Variants in KCNQ3 observed in about 807,000 individuals in gnomAD.
KCNQ3 encodes the protein potassium voltage-gated channel subfamily KQT member 3.
A neutral mutation model predicts 92.5 loss-of-function variants in KCNQ3; 30 were observed. That is an observed-to-expected ratio of 0.32 (90% CI 0.24 to 0.44). The LOEUF is 0.44. KCNQ3 is among the 20% of genes least tolerant of loss of function. The probability of loss-of-function intolerance (pLI) is 1.00; values close to 1 mark genes in which losing one functional copy is unlikely to be tolerated. For missense variants in KCNQ3, 913 were observed against 1,140.3 expected (o/e 0.80, Z 2.87); for synonymous variants, 450 against 468.8 (o/e 0.96, Z 0.52).
intron 12 of KCNQ3, among the ~76,000 whole-genome samples, chr8:132,136,862 CTTTTT>C (rs34845943): frequency 8.1e-6 from 1 of 123,366 alleles, no homozygotes. Context: ...GGCTGCATAA[CTTTTT>C]TTTTTTTTTT....
chr8:132,264,548 G>A (rs564626764), intron 1 of KCNQ3, among the ~76,000 whole-genome samples: 17 of 152,322 alleles, frequency 1.1e-4, no homozygotes, highest in African/African-American at 4.1e-4. Context: ...CCTCCAGGCA[G>A]GGGTTCCTCC....
rs543366959 is a variant in KCNQ3 at position 132,187,793 on chromosome 8, T to C, written c.387-1612A>G. 5.4e-5 allele frequency among the ~76,000 whole-genome samples: 8 copies of C among 149,046 alleles called. No homozygotes were observed. The South Asian group carries it at 1.1e-3, about 20-fold the overall frequency. On this transcript the variant is annotated intron_variant, in intron 1 of 14. Transcript: ENST00000388996. ...GTAGTGATAGTGATGGTGGTGGCGG[T>C]GGTGGTGATAGTGATGGTGGTGGTG...
At chr8:132,293,031 A>C (rs61645985) in intron 1 of KCNQ3, among the ~76,000 whole-genome samples, 3,924 of 152,152 alleles carry the variant, frequency 0.026, 187 homozygotes, top group African/African-American at 0.089. Context: ...AACCCAAGAG[A>C]ACTGTGTTCA....
At chr8:132,392,150 G>C (rs975363798) in intron 1 of KCNQ3, among the ~76,000 whole-genome samples, 2 of 152,114 alleles carry the variant, frequency 1.3e-5, no homozygotes, top group Non-Finnish European at 2.9e-5. Context: ...TAATTCCTCT[G>C]ACCTAAATTG....
At chr8:132,162,217 G>A (rs1240441166) in intron 9 of KCNQ3, among the ~76,000 whole-genome samples, 1 of 152,154 alleles carries the variant, frequency 6.6e-6, no homozygotes, top group Non-Finnish European at 1.5e-5. Flanking sequence ...TGAATCCAGG[G>A]CACAGTGATA....
At chr8:132,298,849 A>G (rs887976391) in intron 1 of KCNQ3, among the ~76,000 whole-genome samples, 4 of 152,204 alleles carry the variant, frequency 2.6e-5, no homozygotes, top group African/African-American at 9.6e-5. Flanking sequence ...TGGAGGTTGC[A>G]GTGAGCCGAG....
intron 1 of KCNQ3, among the ~76,000 whole-genome samples, chr8:132,353,495 A>C (rs544950148): frequency 6.6e-6 from 1 of 152,344 alleles, no homozygotes; most frequent in South Asian, 2.1e-4. Flanking sequence ...CAAACCTGCT[A>C]ATCACTTACG....
At chr8:132,219,755 C>T (rs1219890886) in intron 1 of KCNQ3, among the ~76,000 whole-genome samples, 1 of 152,184 alleles carries the variant, frequency 6.6e-6, no homozygotes, top group Non-Finnish European at 1.5e-5. Flanking sequence ...CTCAAATCCT[C>T]TTTAAGCAGA....
At chr8:132,260,235 A>C (rs1267357945) in intron 1 of KCNQ3, among the ~76,000 whole-genome samples, 1 of 152,194 alleles carries the variant, frequency 6.6e-6, no homozygotes, top group Non-Finnish European at 1.5e-5. Flanking sequence ...TAGAAAATTC[A>C]TGATAATGTT....
chr8:132,369,256 C>T (rs1005670582), intron 1 of KCNQ3, among the ~76,000 whole-genome samples: 13 of 152,182 alleles, frequency 8.5e-5, no homozygotes, highest in East Asian at 3.9e-4. Context: ...GTATATGAAG[C>T]GACTTTTATC....
chr8:132,454,645 C>T (rs888174644), intron 1 of KCNQ3, among the ~76,000 whole-genome samples: 13 of 152,020 alleles, frequency 8.6e-5, no homozygotes, highest in African/African-American at 2.4e-4. Flanking sequence ...TCCTTTCCCC[C>T]GACTGACCAC....
rs1821232035 is a variant in KCNQ3, at chr8:132,430,889, G to C, written c.386+49258C>G. Among the ~76,000 whole-genome samples the C allele has an allele frequency of 3.9e-5, 6 of 152,192 alleles. No homozygotes were observed. The South Asian group carries it at 1.2e-3, about 32-fold the overall frequency. On this transcript the variant is annotated intron_variant, in intron 1 of 14. Coordinates refer to ENST00000388996, the MANE Select transcript of KCNQ3 (RefSeq NM_004519.4). ...TGTCTCCTTGGGACGTCAGTAAAAGGGGGCTCAATAGAGTCGCTCAGCATT... is the reference window on the plus strand; with the variant it reads ...TGTCTCCTTGGGACGTCAGTAAAAGCGGGCTCAATAGAGTCGCTCAGCATT...
chr8:132,420,528 C>T (rs1014967697), intron 1 of KCNQ3, among the ~76,000 whole-genome samples: 5 of 152,114 alleles, frequency 3.3e-5, no homozygotes, highest in Admixed American at 1.3e-4. Context: ...GGCTGACACC[C>T]GGAAGTGTGT....
intron 1 of KCNQ3, among the ~76,000 whole-genome samples, chr8:132,403,548 T>G (rs922271461): frequency 6.6e-6 from 1 of 152,214 alleles, no homozygotes; most frequent in Non-Finnish European, 1.5e-5. Context: ...TTCCTCTCCA[T>G]GCCTTAAAAA....
intron 1 of KCNQ3, among the ~76,000 whole-genome samples, chr8:132,356,577 G>A (rs1819024404): frequency 6.6e-6 from 1 of 152,156 alleles, no homozygotes; most frequent in Non-Finnish European, 1.5e-5. Context: ...ATATCAGGAA[G>A]CTCTTGAGAT....
intron 6 of KCNQ3, among the ~76,000 whole-genome samples, chr8:132,172,975 T>C (rs147847945): frequency 1.4e-4 from 22 of 152,366 alleles, no homozygotes; most frequent in African/African-American, 5.3e-4. Flanking sequence ...CTTAGCCCTG[T>C]TGCATATTGG....
intron 14 of KCNQ3, 34 bp from the exon 15 acceptor site, chr8:132,130,030 T>C: frequency 6.2e-7 from 1 of 1,609,914 alleles, no homozygotes; most frequent in Non-Finnish European, 8.5e-7. Flanking sequence ...ATTACCACTT[T>C]CTCTGAGGGT....
rs943897605 is a variant in KCNQ3, at chr8:132,181,772, G to A, written c.605-1443C>T. Among the ~76,000 whole-genome samples the A allele has an allele frequency of 2.6e-5, 4 of 152,106 alleles. 1 individual carries two copies. Among genetic ancestry groups the A allele is most frequent in the South Asian group, 4.2e-4 (2 of 4,810 alleles). On this transcript the variant is annotated intron_variant, in intron 3 of 14. Coordinates refer to ENST00000388996, the MANE Select transcript of KCNQ3 (RefSeq NM_004519.4). ...CACATTTGCCAAAAAAGCTGATGCC[G>A]GCCAGGCACAGTGTCTCATGCCTGT...
intron 1 of KCNQ3, among the ~76,000 whole-genome samples, chr8:132,196,940 T>C (rs556319387): frequency 1.3e-5 from 2 of 152,260 alleles, no homozygotes; most frequent in South Asian, 4.2e-4. Context: ...TACTGATATG[T>C]CTTAACTATT....
Sources: gnomAD v4.1 joint callset for allele counts (sites outside exome capture counted in the v4.1 genomes callset) on GRCh38, gnomAD v4.1.1 for gene constraint, MANE v1.5 for transcripts, NCBI Gene and HGNC (gene_info 2026-07-23, HGNC 2026-07-21) for gene names.